SLC6A6: variants seen among roughly 807,000 people sequenced by gnomAD.
SLC6A6 encodes the protein sodium- and chloride-dependent taurine transporter.
SLC6A6 carries 16 observed loss-of-function variants against 68.8 expected under a neutral mutation model. That is an observed-to-expected ratio of 0.23 (90% confidence interval 0.16 to 0.35). The LOEUF is 0.35. SLC6A6 is among the 10% of genes least tolerant of loss of function. The pLI is 1.00. For synonymous variants in SLC6A6, 312 were observed against 315.4 expected (o/e 0.99, Z 0.12); for missense variants, 474 against 802.8 (o/e 0.59, Z 4.95).
At chr3:14,475,393 C>T (rs1348671419) in intron 10 of SLC6A6, among the ~76,000 whole-genome samples, 1 of 152,178 alleles carries the variant, frequency 6.6e-6, no homozygotes, top group Admixed American at 6.5e-5. Flanking sequence ...ACTCCTCCTG[C>T]AACCAAAGAG....
At chr3:14,416,820 C>T (rs1699372297) in intron 2 of SLC6A6, among the ~76,000 whole-genome samples, 1 of 152,236 alleles carries the variant, frequency 6.6e-6, no homozygotes, top group African/African-American at 2.4e-5. Flanking sequence ...GGATTGGGGT[C>T]TGAGCTTGGC....
chr3:14,425,924 T>C (rs2341968), intron 2 of SLC6A6, among the ~76,000 whole-genome samples: 7,505 of 149,486 alleles, frequency 0.05, 524 homozygotes, highest in African/African-American at 0.16. Flanking sequence ...CAGGTATGCA[T>C]GACTCTCACC....
At chr3:14,454,869 C>T (rs1473459838) in intron 5 of SLC6A6, among the ~76,000 whole-genome samples, 4 of 152,170 alleles carry the variant, frequency 2.6e-5, no homozygotes, top group African/African-American at 9.7e-5. Flanking sequence ...CCTCTTTACA[C>T]GGTAGGGAGC....
intron 1 of SLC6A6, among the ~76,000 whole-genome samples, chr3:14,415,934 C>A (rs1699354550): frequency 6.6e-6 from 1 of 152,126 alleles, no homozygotes; most frequent in African/African-American, 2.4e-5. Flanking sequence ...GTGGGGCGCT[C>A]AGGAGTGTGG....
chr3:14,455,707 G>A (rs1700351432), intron 5 of SLC6A6, among the ~76,000 whole-genome samples: 1 of 152,204 alleles, frequency 6.6e-6, no homozygotes, highest in South Asian at 2.1e-4. Context: ...GGAAGTCTTG[G>A]GCCACTGCCC....
chr3:14,461,015 T>C (rs1315768927), intron 6 of SLC6A6, among the ~76,000 whole-genome samples: 1 of 152,130 alleles, frequency 6.6e-6, no homozygotes, highest in Non-Finnish European at 1.5e-5. Context: ...AGTTGGAGGG[T>C]AATGGAGGGA....
chr3:14,422,647 C>A (rs1416208411), intron 2 of SLC6A6, among the ~76,000 whole-genome samples: 4 of 152,154 alleles, frequency 2.6e-5, no homozygotes, highest in African/African-American at 9.7e-5. Flanking sequence ...TCACCCCCAC[C>A]CTCCTCCCAG....
At chr3:14,417,500 GGT>G (rs1215364622) in intron 2 of SLC6A6, among the ~76,000 whole-genome samples, 19 of 152,218 alleles carry the variant, frequency 1.2e-4, no homozygotes, top group South Asian at 6.2e-4. Context: ...GGGAGGCCAA[GGT>G]GGGCAGATCA....
In SLC6A6 at chr3:14,470,733, G is replaced by A. The variant is rs1045234161; in HGVS notation, c.1097-1472G>A. 1.1e-4 allele frequency among the ~76,000 whole-genome samples: 17 copies of A among 152,230 alleles called. No homozygotes were observed. The East Asian group carries it at 1.5e-3, about 14-fold the overall frequency. ...GGGCCCCGGTCTGGGTGGAAACGCC[G>A]CGGCTTTTGACTCCAACTTCAACTT... On this transcript the variant is annotated intron_variant, in intron 9 of 14. Transcript: ENST00000622186.
rs140184021 is a variant in SLC6A6, at chr3:14,472,657, C to T, written c.1209+340C>T. On this transcript the variant is annotated intron_variant, in intron 10 of 14. Transcript: ENST00000622186. The surrounding 1 kb of genome is among the most constrained non-coding windows in gnomAD (Gnocchi z 4.5). ...GTGGTTACAGTCAAGCCACAAATGA[C>T]GAATTGGAGGTCATGACTCAATAAG... Among the ~76,000 whole-genome samples, 100 of 152,208 alleles carry T rather than the reference C, an allele frequency of 6.6e-4. No individual in the cohort carries two copies. The highest frequency in any genetic ancestry group is 1.8e-3 in the African/African-American group (75 of 41,520).
rs1268680274 is a variant in SLC6A6 at position 14,479,109 on chromosome 3, T to C, written c.1475T>C (p.Ile492Thr). The change falls in exon 13 of 15, where the codon ATT becomes ACT. Residue 492 changes from isoleucine (I) to threonine (T), a missense_variant. By Grantham distance (89) the Ile-to-Thr change is moderately conservative. This residue lies in a region of SLC6A6 where 194 missense variants were observed against 269.8 expected (regional missense o/e 0.72). Coordinates refer to ENST00000622186, the MANE Select transcript of SLC6A6 (RefSeq NM_003043.6). ...GGAGGTGATAACCTTTATGATGGTATTGAGGACATGATTGGCTATCGGCCC... is the reference window on the plus strand; with the variant it reads ...GGAGGTGATAACCTTTATGATGGTACTGAGGACATGATTGGCTATCGGCCC... Reference protein sequence around the residue: ...IYGGDNLYDGIEDMIGYRPGP... With the variant: ...IYGGDNLYDGTEDMIGYRPGP... 1 of 1,612,368 alleles carries C rather than the reference T, an allele frequency of 6.2e-7. No individual in the cohort carries two copies. Among genetic ancestry groups the C allele is most frequent in the Non-Finnish European group, 8.5e-7 (1 of 1,178,520 alleles).
chr3:14,413,456 C>T (rs1559283983), intron 1 of SLC6A6, among the ~76,000 whole-genome samples: 1 of 152,208 alleles, frequency 6.6e-6, no homozygotes, highest in Non-Finnish European at 1.5e-5. Context: ...AGCACCTGTC[C>T]TCAGCAAACT....
intron 2 of SLC6A6, among the ~76,000 whole-genome samples, chr3:14,439,366 G>A (rs1699930929): frequency 6.6e-6 from 1 of 152,238 alleles, no homozygotes; most frequent in Non-Finnish European, 1.5e-5. Context: ...TAAACAGGGA[G>A]ACAGCAAAGG....
At chr3:14,437,609 T>G (rs1290983087) in intron 2 of SLC6A6, among the ~76,000 whole-genome samples, 1 of 152,172 alleles carries the variant, frequency 6.6e-6, no homozygotes, top group Non-Finnish European at 1.5e-5. Flanking sequence ...GCATTTTTTG[T>G]GTGTAGTGAG....
At chr3:14,451,571 G>A (rs978306914) in intron 5 of SLC6A6, among the ~76,000 whole-genome samples, 1 of 152,208 alleles carries the variant, frequency 6.6e-6, no homozygotes, top group South Asian at 2.1e-4. Flanking sequence ...TCTTGGAGGA[G>A]GAACCATAGA....
rs1559323151 is a variant in SLC6A6, at chr3:14,489,284, C to CT, written c.*4284dup. ...TATCAATATTTTAAATTCATCTTTG[C>CT]TTTTTTTAGAGGAGTTTGTAATCAC... is the stretch of plus-strand genomic sequence containing the variant. On this transcript the variant is annotated 3_prime_UTR_variant, in exon 15 of 15. Coordinates refer to ENST00000622186, the MANE Select transcript of SLC6A6 (RefSeq NM_003043.6). The CT allele has an allele frequency of 6.6e-6, 1 of 152,370 alleles. No individual in the cohort carries two copies. Among genetic ancestry groups the CT allele is most frequent in the East Asian group, 1.9e-4 (1 of 5,190 alleles). 9.4% of individuals were successfully genotyped at this position (152,370 alleles called of 1,614,324 possible). A position where few individuals can be genotyped will look rare whatever the true frequency, so the allele number is the denominator to read the frequency against.
intron 2 of SLC6A6, among the ~76,000 whole-genome samples, chr3:14,441,359 A>C (rs1486004973): frequency 6.6e-6 from 1 of 152,070 alleles, no homozygotes; most frequent in Non-Finnish European, 1.5e-5. Context: ...GGGGCTGTGC[A>C]AGTCAATGCT....
chr3:14,466,393 G>T, intron 6 of SLC6A6, 123 bp from the exon 7 acceptor site: 1 of 1,143,910 alleles, frequency 8.7e-7, no homozygotes, highest in Non-Finnish European at 1.2e-6. Context: ...AAGTAAGACA[G>T]CAAACCTGGC....
chr3:14,416,851 GT>G (rs1203706661), intron 2 of SLC6A6, among the ~76,000 whole-genome samples: 1 of 152,234 alleles, frequency 6.6e-6, no homozygotes, highest in African/African-American at 2.4e-5. Flanking sequence ...TTAAAGGTTT[GT>G]TTTTGTTTTG....
Sources: allele counts gnomAD v4.1 joint callset (sites outside exome capture counted in the v4.1 genomes callset), GRCh38; gene constraint gnomAD v4.1.1; regional missense constraint gnomAD v4.1.1; non-coding constraint Gnocchi (gnomAD v3.1); transcripts MANE v1.5; gene names NCBI Gene and HGNC (gene_info 2026-07-23, HGNC 2026-07-21).